PLCH2: variants seen among roughly 807,000 people sequenced by gnomAD.
PLCH2 encodes 1-phosphatidylinositol 4,5-bisphosphate phosphodiesterase eta-2.
Under a neutral mutation model 134.7 loss-of-function variants are expected in PLCH2, and 98 were observed. The observed-to-expected ratio is 0.73, with a 90% CI of 0.62 to 0.86. The LOEUF is 0.86. Among genes scored for constraint, PLCH2 ranks in the 40% least tolerant of loss-of-function variants. The probability of loss-of-function intolerance (pLI) is 0.00; values close to 1 mark genes in which losing one functional copy is unlikely to be tolerated. For missense variants in PLCH2, 1,994 were observed against 1,986.6 expected (o/e 1.00, Z -0.07); for synonymous variants, 974 against 827.5 (o/e 1.18, Z -3.04).
At position 2,478,485 on chromosome 1, in the gene PLCH2, G is replaced by A. The variant is rs770994223; in HGVS notation, c.134G>A (p.Cys45Tyr). 1.2e-6 allele frequency: 2 copies of A among 1,612,778 alleles called. No homozygotes were observed. The highest frequency in any genetic ancestry group is 2.2e-5 in the South Asian group (2 of 91,090). Residue 45 changes from cysteine to tyrosine, a missense_variant, in exon 2 of 22, where the codon TGC (cysteine) becomes TAC (tyrosine). Physicochemically the swap from Cys to Tyr is radical, Grantham distance 194 (BLOSUM62 -2). Transcript: ENST00000378486. The stretch of plus-strand genomic sequence containing the variant: ...TCTCTCCCGTGTCCAGTGGAGCGGT[G>A]CATGGGTGCCATGCAAGAGGGGATG... ...EWQLGPLVERCMGAMQEGMQM... is the reference protein window; with the variant it reads ...EWQLGPLVERYMGAMQEGMQM...
chr1:2,427,361 G>A (rs1190764158), intron 1 of PLCH2, among the ~76,000 whole-genome samples: 3 of 152,170 alleles, frequency 2.0e-5, no homozygotes, highest in Non-Finnish European at 1.5e-5. Flanking sequence ...GGGGGCAGCC[G>A]AACCCGCCCC....
intron 1 of PLCH2, among the ~76,000 whole-genome samples, chr1:2,427,281 A>G (rs1403821939): frequency 6.6e-6 from 1 of 151,948 alleles, no homozygotes; most frequent in African/African-American, 2.4e-5. Context: ...TGGGGCAGGC[A>G]GGCTGTCCCC....
chr1:2,480,144 G>A (rs1174814681), intron 3 of PLCH2, 39 bp from the exon 4 acceptor site: 1 of 1,610,658 alleles, frequency 6.2e-7, no homozygotes, highest in Non-Finnish European at 8.5e-7. Flanking sequence ...GTCAGGGCTG[G>A]GCCCATGGAT....
intron 1 of PLCH2, among the ~76,000 whole-genome samples, chr1:2,477,855 C>A (rs533480496): frequency 2.8e-4 from 42 of 152,336 alleles, no homozygotes; most frequent in African/African-American, 9.6e-4. Flanking sequence ...TGGGGGCTTT[C>A]CTGGAGATGC....
At chr1:2,457,049 C>CG (rs1414366324) in intron 2 of PLCH2, among the ~76,000 whole-genome samples, 1 of 152,212 alleles carries the variant, frequency 6.6e-6, no homozygotes, top group African/African-American at 2.4e-5. Context: ...CAGAACCCCC[C>CG]GGGGCTCCAG....
upstream of PLCH2, chr1:2,425,957 C>G (rs929269443): frequency 6.6e-6 from 1 of 152,274 alleles, no homozygotes; most frequent in East Asian, 1.9e-4. Context: ...CCCCGTCGCT[C>G]GAGAGCCTCC....
In PLCH2 at chr1:2,498,750, G is replaced by A. The variant is rs754189300; in HGVS notation, c.2356G>A (p.Asp786Asn). The A allele has an allele frequency of 1.2e-6, 2 of 1,609,616 alleles. No homozygotes were observed. Among genetic ancestry groups the A allele is most frequent in the East Asian group, 2.2e-5 (1 of 44,752 alleles). The change falls in exon 18 of 22, where the codon GAC becomes AAC. Residue 786 changes from aspartate to asparagine, a missense_variant. Transcript: ENST00000378486. The surrounding 1 kb of genome is among the most constrained non-coding windows in gnomAD (Gnocchi z 5.4). ...CCCCACTCCTGTGTCCCAGATCATC[G>A]ACCCCTTTGTGGAGGTGGAGATCAT... is the stretch of plus-strand genomic sequence containing the variant. ...SMLGDRGEIIDPFVEVEIIGL... is the reference protein window; with the variant it reads ...SMLGDRGEIINPFVEVEIIGL...
In PLCH2 at chr1:2,489,310, T is replaced by G. The variant is rs761368672; in HGVS notation, c.1339T>G (p.Ser447Ala). 1 of 1,613,846 alleles carries G rather than the reference T, an allele frequency of 6.2e-7. No individual in the cohort carries two copies. The highest frequency in any genetic ancestry group is 1.7e-5 in the Admixed American group (1 of 60,024). The change falls in exon 9 of 22, where the codon TCA becomes GCA. Residue 447 changes from serine to alanine, a missense_variant. Physicochemically the swap from Ser to Ala is moderately conservative, Grantham distance 99. Coordinates refer to ENST00000378486, the MANE Select transcript of PLCH2 (RefSeq NM_014638.4). ...CCTTGGGGACAAGCTGGACCTGTCA[T>G]CAGTGAGCAGTGAAGATGCCACCAC... ...DILGDKLDLS[S>A]VSSEDATTLP...
At chr1:2,432,764 G>C (rs1465476909) in intron 2 of PLCH2, among the ~76,000 whole-genome samples, 2 of 152,192 alleles carry the variant, frequency 1.3e-5, no homozygotes, top group African/African-American at 2.4e-5. Flanking sequence ...CCGCCGTGCA[G>C]GCTTGCCTGG....
At chr1:2,442,643 C>G (rs772367212) in intron 2 of PLCH2, among the ~76,000 whole-genome samples, 15 of 152,240 alleles carry the variant, frequency 9.9e-5, no homozygotes, top group Non-Finnish European at 1.5e-5. Flanking sequence ...GTCCAGGGAC[C>G]CTTGGGTGCA....
At chr1:2,443,960 C>T (rs917442700) in intron 2 of PLCH2, among the ~76,000 whole-genome samples, 2 of 152,062 alleles carry the variant, frequency 1.3e-5, no homozygotes, top group African/African-American at 4.8e-5. Context: ...GGGAGCCGCC[C>T]CGCAGAAGCA....
intron 11 of PLCH2, 70 bp from the exon 12 acceptor site, chr1:2,494,786 G>C (rs1417429794): frequency 4.4e-6 from 5 of 1,136,112 alleles, no homozygotes; most frequent in Non-Finnish European, 6.5e-6. Context: ...GGACCACCAG[G>C]GGCTGTCCCG....
intron 2 of PLCH2, among the ~76,000 whole-genome samples, chr1:2,440,103 C>A (rs561062039): frequency 6.6e-6 from 1 of 152,150 alleles, no homozygotes; most frequent in East Asian, 1.9e-4. Flanking sequence ...GCAGCTGCAG[C>A]CAGTCCACAG....
chr1:2,464,821 G>A (rs556972804), upstream of PLCH2, among the ~76,000 whole-genome samples: 225 of 152,366 alleles, frequency 1.5e-3, 2 homozygotes, highest in African/African-American at 5.0e-3. Context: ...GGACTCTGGG[G>A]TGGGCAGCAT....
At chr1:2,432,581 GGGGTGTGC>G (rs1639119479) in intron 2 of PLCH2, among the ~76,000 whole-genome samples, 3 of 152,214 alleles carry the variant, frequency 2.0e-5, no homozygotes, top group Admixed American at 2.0e-4. Context: ...GGCACAGGCT[GGGGTGTGC>G]ACCCGGCCCC....
chr1:2,479,518 G>C, intron 2 of PLCH2: 1 of 538,656 alleles, frequency 1.9e-6, no homozygotes, highest in Non-Finnish European at 3.3e-6. Flanking sequence ...CCACAGGAAA[G>C]GGAAAGGGGG....
intron 11 of PLCH2, chr1:2,492,696 G>C (rs1642655788): frequency 6.6e-6 from 1 of 152,412 alleles, no homozygotes; most frequent in African/African-American, 2.4e-5. Context: ...CAGCCCTGGA[G>C]CTCACGGAGG....
At chr1:2,417,543 C>T in the PLCH2 span, among the ~76,000 whole-genome samples, 5 of 152,144 alleles carry the variant, frequency 3.3e-5, no homozygotes, top group East Asian at 1.9e-4. Flanking sequence ...AGAGGACCCA[C>T]GAGGGAGGCC....
chr1:2,481,828 C>G (rs1172237215), intron 4 of PLCH2, among the ~76,000 whole-genome samples: 1 of 152,252 alleles, frequency 6.6e-6, no homozygotes, highest in Non-Finnish European at 1.5e-5. Context: ...GTACTGCATC[C>G]TCTCTGGGCC....
Sources: allele counts gnomAD v4.1 joint callset (sites outside exome capture counted in the v4.1 genomes callset), GRCh38; gene constraint gnomAD v4.1.1; non-coding constraint Gnocchi (gnomAD v3.1); transcripts MANE v1.5; gene names NCBI Gene and HGNC (gene_info 2026-07-23, HGNC 2026-07-21).